Variants in ACBD5 observed in about 807,000 individuals in gnomAD.
The protein encoded by ACBD5 is acyl-CoA binding domain containing 5.
ACBD5 carries 40 observed loss-of-function variants against 71.8 expected under a neutral mutation model. That is an observed-to-expected ratio of 0.56 (90% confidence interval 0.43 to 0.72). The LOEUF (loss-of-function observed/expected upper bound fraction) is 0.72. Ranked by LOEUF, ACBD5 falls within the 30% of genes least tolerant of loss-of-function variation. The pLI, the probability that ACBD5 is intolerant of heterozygous loss-of-function variation, is 0.00. For synonymous variants in ACBD5, 229 were observed against 218.6 expected, an observed-to-expected ratio of 1.05 and a Z score of -0.42; for missense variants, 559 against 644.5, an observed-to-expected ratio of 0.87 and a Z score of 1.44.
At chr10:27,224,526 T>A (rs1481077727) in intron 4 of ACBD5, among the ~76,000 whole-genome samples, 1 of 152,206 alleles carries the variant, frequency 6.6e-6, no homozygotes, top group Non-Finnish European at 1.5e-5. Flanking sequence ...AGTAGGAAAT[T>A]GTAATCACTT....
At chr10:27,205,392 C>T (rs906086711) in intron 10 of ACBD5, 144 bp from the exon 11 acceptor site, 24 of 749,538 alleles carry the variant, frequency 3.2e-5, no homozygotes, top group African/African-American at 1.6e-4. Flanking sequence ...ACAGTTGGAA[C>T]GTAGAAATAT....
rs780270403 is a variant in ACBD5, at chr10:27,195,823, T to C, written c.*1607A>G. On this transcript the variant is annotated 3_prime_UTR_variant, in exon 13 of 13. Transcript: ENST00000396271. ...CAGGCAAACAAAGAACCATTCTGTA[T>C]ACTAAAGACAGATTATTTCTTATTT... 59 of 438,328 alleles carry C rather than the reference T, an allele frequency of 1.3e-4. No homozygotes were observed. The highest frequency in any genetic ancestry group is 2.4e-4 in the Non-Finnish European group (53 of 221,104). 27.2% of individuals were successfully genotyped at this position (438,328 alleles called of 1,614,324 possible). A position where few individuals can be genotyped will look rare whatever the true frequency, so the allele number is the denominator to read the frequency against.
intron 12 of ACBD5, among the ~76,000 whole-genome samples, chr10:27,203,478 C>G (rs979108039): frequency 3.9e-5 from 6 of 152,190 alleles, no homozygotes; most frequent in African/African-American, 1.4e-4. Context: ...GTGGCTCGTG[C>G]CTGTAATCCC....
chr10:27,207,648 C>T (rs539814172), intron 10 of ACBD5, among the ~76,000 whole-genome samples: 31 of 152,350 alleles, frequency 2.0e-4, no homozygotes, highest in African/African-American at 7.0e-4. Flanking sequence ...CCGGGATTAT[C>T]ATAGGCCACA....
At chr10:27,210,022 T>A (rs962646884) in intron 9 of ACBD5, among the ~76,000 whole-genome samples, 2 of 152,200 alleles carry the variant, frequency 1.3e-5, no homozygotes, top group African/African-American at 4.8e-5. Flanking sequence ...CCAAAAAGAA[T>A]CATTACTGGA....
At chr10:27,227,008 G>A (rs1261532995) in intron 4 of ACBD5, among the ~76,000 whole-genome samples, 1 of 18,288 alleles carries the variant, frequency 5.5e-5, no homozygotes, top group Admixed American at 7.3e-4. Flanking sequence ...TTTTTTTTGC[G>A]ATTTTTTTTT....
In ACBD5 at chr10:27,208,464, A is replaced by T; in HGVS notation, c.1205-19T>A. On this transcript the variant is annotated intron_variant, in intron 9 of 12. Coordinates refer to ENST00000396271, the MANE Select transcript of ACBD5 (RefSeq NM_145698.5). ...CTATGTCCTATTTTAAGAGGCAAAA[A>T]TAAGCTTGTTTTAAATAATTCTTAT... The T allele has an allele frequency of 6.2e-7, 1 of 1,611,746 alleles. No individual in the cohort carries two copies. The highest frequency in any genetic ancestry group is 2.2e-5 in the East Asian group (1 of 44,886).
intron 5 of ACBD5, among the ~76,000 whole-genome samples, chr10:27,221,601 A>C (rs1189729814): frequency 6.6e-6 from 1 of 152,178 alleles, no homozygotes; most frequent in Admixed American, 6.6e-5. Context: ...AACATGCCTG[A>C]CATACATAAA....
intron 2 of ACBD5, among the ~76,000 whole-genome samples, chr10:27,237,897 G>A (rs1180816631): frequency 5.9e-5 from 9 of 151,698 alleles, no homozygotes; most frequent in Admixed American, 4.6e-4. Flanking sequence ...TTACAGGTGT[G>A]AGCCACCACG....
chr10:27,215,938 G>A lies in ACBD5; in HGVS notation c.830-297C>T, dbSNP rs575848929. On this transcript the variant is annotated intron_variant, in intron 7 of 12. Coordinates refer to ENST00000396271, the MANE Select transcript of ACBD5 (RefSeq NM_145698.5). Reference sequence around the variant, plus strand: ...GGCCCAGGCTGGAGTGCAGTGGTGCGATCTCGGCTCACAGCAACCTCCGCC... The same window carrying A: ...GGCCCAGGCTGGAGTGCAGTGGTGCAATCTCGGCTCACAGCAACCTCCGCC... Among the ~76,000 whole-genome samples, 71 of 152,058 alleles carry A rather than the reference G, an allele frequency of 4.7e-4. 3 individuals are homozygous for A. The South Asian group carries it at 0.01, about 22-fold the overall frequency.
At chr10:27,198,978 A>G (rs1588962695) in intron 12 of ACBD5, among the ~76,000 whole-genome samples, 1 of 151,826 alleles carries the variant, frequency 6.6e-6, no homozygotes, top group East Asian at 2.0e-4. Flanking sequence ...GCATGGTGGC[A>G]CGCACCTATA....
chr10:27,193,451 G>T (rs2059169865), downstream of ACBD5: 1 of 151,736 alleles, frequency 6.6e-6, no homozygotes, highest in African/African-American at 2.4e-5. Flanking sequence ...AAAAAGAACT[G>T]ATAAGAACTG....
chr10:27,203,979 T>C (rs959102184), intron 12 of ACBD5, among the ~76,000 whole-genome samples: 2 of 151,242 alleles, frequency 1.3e-5, no homozygotes, highest in African/African-American at 4.9e-5. Flanking sequence ...AAAATGCATA[T>C]AAACCGCACC....
chr10:27,220,885 A>G (rs960924583), intron 5 of ACBD5, among the ~76,000 whole-genome samples: 3 of 152,210 alleles, frequency 2.0e-5, no homozygotes, highest in African/African-American at 7.2e-5. Context: ...TGCTTTGTTT[A>G]GAAAAAAAAA....
intron 12 of ACBD5, among the ~76,000 whole-genome samples, chr10:27,198,144 G>A (rs1466858157): frequency 6.6e-6 from 1 of 152,152 alleles, no homozygotes; most frequent in Non-Finnish European, 1.5e-5. Flanking sequence ...AATCAACATG[G>A]ATTATGTTTC....
At chr10:27,192,247 CTT>C (rs11333652), downstream of ACBD5, among the ~76,000 whole-genome samples, 1 of 150,360 alleles carries the variant, frequency 6.7e-6, no homozygotes, top group Non-Finnish European at 1.5e-5. Flanking sequence ...TTCCTTGACA[CTT>C]TTTTTTTAAG....
At chr10:27,190,365 T>C (rs1362616171), downstream of ACBD5, among the ~76,000 whole-genome samples, 2 of 152,222 alleles carry the variant, frequency 1.3e-5, no homozygotes, top group Non-Finnish European at 2.9e-5. Flanking sequence ...AAGAATGTCC[T>C]GTTTATCTTG....
intron 12 of ACBD5, among the ~76,000 whole-genome samples, chr10:27,199,145 A>T (rs998255837): frequency 3.3e-5 from 5 of 151,722 alleles, no homozygotes; most frequent in Admixed American, 1.3e-4. Context: ...AAAATTAAAA[A>T]AATTAAAAAG....
upstream of ACBD5, chr10:27,240,910 G>A: frequency 3.1e-6 from 2 of 646,936 alleles, no homozygotes; most frequent in East Asian, 2.8e-5. The surrounding 1 kb of genome is among the most constrained non-coding windows in gnomAD (Gnocchi z 4.1). Context: ...CCGCCGCCGC[G>A]GCAAGGACGC....
Sources: gnomAD v4.1 joint callset for allele counts (sites outside exome capture counted in the v4.1 genomes callset) on GRCh38, gnomAD v4.1.1 for gene constraint, Gnocchi (gnomAD v3.1) non-coding constraint, MANE v1.5 for transcripts, NCBI Gene and HGNC (gene_info 2026-07-23, HGNC 2026-07-21) for gene names.